The following ATF6 variants were observed in gnomAD, a reference collection of about 807,000 sequenced individuals.
The protein encoded by ATF6 is cyclic AMP-dependent transcription factor ATF-6 alpha.
A neutral mutation model predicts 83.6 loss-of-function variants in ATF6; 53 were observed. The ratio of observed to expected loss-of-function variants is 0.63; its 90% CI spans 0.51 to 0.80. The LOEUF (loss-of-function observed/expected upper bound fraction) is 0.80. Among genes scored for constraint, ATF6 ranks in the 30% least tolerant of loss-of-function variants. The pLI, the probability that ATF6 is intolerant of heterozygous loss-of-function variation, is 0.00. For synonymous variants in ATF6, 288 were observed against 285.8 expected (o/e 1.01, Z -0.08); for missense variants, 744 against 797.9 (o/e 0.93, Z 0.81).
At chr1:161,871,713 T>C (rs779121284) in intron 14 of ATF6, among the ~76,000 whole-genome samples, 2 of 151,642 alleles carry the variant, frequency 1.3e-5, no homozygotes, top group Non-Finnish European at 1.5e-5. Context: ...TGCCACTCAG[T>C]GACATCTGCT....
intron 6 of ATF6, among the ~76,000 whole-genome samples, chr1:161,793,855 C>G (rs1462122908): frequency 6.6e-6 from 1 of 152,134 alleles, no homozygotes; most frequent in Non-Finnish European, 1.5e-5. Flanking sequence ...CATCTGAAGA[C>G]TATAGTTATT....
intron 7 of ATF6, among the ~76,000 whole-genome samples, chr1:161,815,612 TATCA>T (rs1685595082): frequency 6.6e-6 from 1 of 151,836 alleles, no homozygotes; most frequent in Non-Finnish European, 1.5e-5. Context: ...TTACAGTGTT[TATCA>T]ATCAATAAGG....
intron 4 of ATF6, among the ~76,000 whole-genome samples, chr1:161,788,340 G>A (rs975441158): frequency 5.9e-5 from 9 of 152,046 alleles, no homozygotes; most frequent in Admixed American, 3.9e-4. Context: ...ATTCTTATGA[G>A]CTTTTTGGAC....
At chr1:161,775,936 G>A (rs1684505413) in intron 1 of ATF6, among the ~76,000 whole-genome samples, 2 of 151,932 alleles carry the variant, frequency 1.3e-5, no homozygotes, top group South Asian at 2.1e-4. Flanking sequence ...ATGTATATAT[G>A]CATAATACAA....
chr1:161,939,672 C>CA (rs1176075468), intron 15 of ATF6, among the ~76,000 whole-genome samples: 2 of 152,216 alleles, frequency 1.3e-5, no homozygotes, highest in Non-Finnish European at 2.9e-5. Context: ...ATGGCTGCTT[C>CA]AGCCCCTGCA....
intron 14 of ATF6, among the ~76,000 whole-genome samples, chr1:161,887,320 TC>T (rs1687446540): frequency 1.3e-5 from 2 of 152,038 alleles, no homozygotes; most frequent in Admixed American, 1.3e-4. Flanking sequence ...CCTCAACTGA[TC>T]CGCCTGCCTT....
intron 10 of ATF6, among the ~76,000 whole-genome samples, chr1:161,847,651 T>A (rs186734575): frequency 1.3e-5 from 2 of 152,100 alleles, no homozygotes; most frequent in Non-Finnish European, 1.5e-5. Flanking sequence ...TGAATATTGG[T>A]AGAGTTTAAT....
intron 14 of ATF6, among the ~76,000 whole-genome samples, chr1:161,902,088 T>A (rs1329798718): frequency 6.6e-6 from 1 of 152,232 alleles, no homozygotes; most frequent in Non-Finnish European, 1.5e-5. Context: ...AATTTTATAA[T>A]TTGCAAATAC....
At chr1:161,923,516 GAAAT>G (rs1394935402) in intron 15 of ATF6, among the ~76,000 whole-genome samples, 2 of 152,106 alleles carry the variant, frequency 1.3e-5, no homozygotes, top group Admixed American at 6.5e-5. Context: ...GGTAAACCTG[GAAAT>G]AAATAGATTT....
chr1:161,902,887 A>G (rs754396812), intron 14 of ATF6, among the ~76,000 whole-genome samples: 2 of 152,188 alleles, frequency 1.3e-5, no homozygotes, highest in Admixed American at 6.5e-5. Context: ...TAAGGTGGCT[A>G]GGAAAGACCT....
Position 161,821,312 on chromosome 1 carries a change from A to G in ATF6, c.1187+151A>G, listed in dbSNP as rs1224554891. On this transcript the variant is annotated intron_variant, in intron 9 of 15. Transcript: ENST00000367942. ...CAGGAGCCATGCCTTCAAAGATCTCATGATCCAGCTGGGAGGAGAGACAAG... is the reference window on the plus strand; with the variant it reads ...CAGGAGCCATGCCTTCAAAGATCTCGTGATCCAGCTGGGAGGAGAGACAAG... 5.7e-6 allele frequency: 3 copies of G among 529,318 alleles called. No individual in the cohort carries two copies. The East Asian group carries it at 1.0e-4, about 18-fold the overall frequency. 32.8% of individuals were successfully genotyped at this position (529,318 alleles called of 1,614,324 possible).
intron 10 of ATF6, among the ~76,000 whole-genome samples, chr1:161,851,258 AC>A (rs34013593): frequency 1.9e-5 from 1 of 51,400 alleles, no homozygotes; most frequent in Non-Finnish European, 1.0e-4. Context: ...ACACACACAC[AC>A]ACACACACAC....
Position 161,853,280 on chromosome 1 carries a change from C to A in ATF6, c.1490C>A (p.Ser497Ter), listed in dbSNP as rs1686678519. The A allele has an allele frequency of 6.2e-7, 1 of 1,613,768 alleles. No individual in the cohort carries two copies. The highest frequency in any genetic ancestry group is 8.5e-7 in the Non-Finnish European group (1 of 1,179,716). The change falls in exon 12 of 16, where the codon TCA becomes TAA. Residue 497 changes from serine (S) to a stop codon, truncating the protein, a stop_gained. Transcript: ENST00000367942. LOFTEE classifies it high-confidence loss of function. ...AGACATGAAGTAGAAAGGACCAAGTCAAGAAGAATGACAAATAATCAACAG... is the reference window on the plus strand; with the variant it reads ...AGACATGAAGTAGAAAGGACCAAGTAAAGAAGAATGACAAATAATCAACAG... ...VHRHEVERTK[S>*]RRMTNNQQKT... is the part of the protein sequence containing the mutation.
chr1:161,955,516 G>A (rs948394419), intron 15 of ATF6, among the ~76,000 whole-genome samples: 4 of 152,152 alleles, frequency 2.6e-5, no homozygotes, highest in East Asian at 3.8e-4. Flanking sequence ...GAGTTACCAC[G>A]AGCTGTTTCC....
intron 15 of ATF6, among the ~76,000 whole-genome samples, chr1:161,934,370 A>G (rs751624306): frequency 4.6e-5 from 7 of 152,200 alleles, no homozygotes; most frequent in Non-Finnish European, 8.8e-5. Flanking sequence ...AGAAACCACA[A>G]TGCAGTAGGG....
intron 14 of ATF6, among the ~76,000 whole-genome samples, chr1:161,885,159 T>C (rs552791774): frequency 4.2e-4 from 64 of 152,298 alleles, no homozygotes; most frequent in African/African-American, 1.5e-3. Context: ...GCTGTAGAAG[T>C]TTTATGCTTA....
chr1:161,900,348 C>T (rs929216847), intron 14 of ATF6, among the ~76,000 whole-genome samples: 5 of 152,020 alleles, frequency 3.3e-5, no homozygotes, highest in African/African-American at 7.2e-5. Context: ...AGGAATAGTA[C>T]TCAACTTTTG....
At chr1:161,954,754 A>G (rs1365044556) in intron 15 of ATF6, among the ~76,000 whole-genome samples, 3 of 152,140 alleles carry the variant, frequency 2.0e-5, no homozygotes, top group Non-Finnish European at 4.4e-5. Flanking sequence ...TAGTGCTCAT[A>G]TTTGAAGCCA....
At chr1:161,925,313 T>C (rs1271983558) in intron 15 of ATF6, among the ~76,000 whole-genome samples, 1 of 152,226 alleles carries the variant, frequency 6.6e-6, no homozygotes, top group Non-Finnish European at 1.5e-5. Context: ...TGTTTTTTTC[T>C]AGTTACATCA....
Sources: allele counts gnomAD v4.1 joint callset (sites outside exome capture counted in the v4.1 genomes callset), GRCh38; gene constraint gnomAD v4.1.1; transcripts MANE v1.5; gene names NCBI Gene and HGNC (gene_info 2026-07-23, HGNC 2026-07-21).